CTNNA3: variants seen among roughly 807,000 people sequenced by gnomAD.
The protein encoded by CTNNA3 is catenin alpha-3.
A neutral mutation model predicts 95.7 loss-of-function variants in CTNNA3; 76 were observed. That is an observed-to-expected ratio of 0.79 (90% confidence interval 0.66 to 0.96). The LOEUF (loss-of-function observed/expected upper bound fraction) is 0.96, where lower values mean the gene tolerates loss of function less well. CTNNA3 is among the 40% of genes least tolerant of loss of function. The pLI, the probability that CTNNA3 is intolerant of heterozygous loss-of-function variation, is 0.00. For synonymous variants in CTNNA3, 431 were observed against 374.4 expected (o/e 1.15, Z -1.74); for missense variants, 1,191 against 1,089.8 (o/e 1.09, Z -1.31).
At chr10:66,826,772 A>G (rs899358063) in intron 7 of CTNNA3, among the ~76,000 whole-genome samples, 93 of 152,212 alleles carry the variant, frequency 6.1e-4, no homozygotes, top group African/African-American at 2.1e-3. Flanking sequence ...GCAGTTTTAG[A>G]AAATGAACAC....
At chr10:66,235,625 T>G (rs1256593088) in intron 13 of CTNNA3, among the ~76,000 whole-genome samples, 1 of 152,118 alleles carries the variant, frequency 6.6e-6, no homozygotes, top group Admixed American at 6.6e-5. Context: ...TTTGTAGAAT[T>G]TTCGTGGATA....
At chr10:67,337,081 T>C (rs1264142514) in intron 5 of CTNNA3, among the ~76,000 whole-genome samples, 3 of 152,176 alleles carry the variant, frequency 2.0e-5, no homozygotes, top group Non-Finnish European at 4.4e-5. Flanking sequence ...ATACATTTCA[T>C]AGGCTATACC....
chr10:66,617,955 T>G (rs1319992248), intron 10 of CTNNA3, among the ~76,000 whole-genome samples: 3 of 151,540 alleles, frequency 2.0e-5, no homozygotes, highest in Admixed American at 6.6e-5. Context: ...TGAACTCCCA[T>G]TCACAATTGC....
At chr10:67,689,564 G>A (rs542960897) in intron 1 of CTNNA3, among the ~76,000 whole-genome samples, 74 of 152,298 alleles carry the variant, frequency 4.9e-4, no homozygotes, top group African/African-American at 1.6e-3. Flanking sequence ...GCAAGGGTCA[G>A]GAGATAGGAT....
At chr10:66,253,197 T>C (rs1293650665) in intron 13 of CTNNA3, among the ~76,000 whole-genome samples, 1 of 152,182 alleles carries the variant, frequency 6.6e-6, no homozygotes, top group African/African-American at 2.4e-5. Flanking sequence ...ACAGGAGCAA[T>C]CCATCATCAT....
At chr10:65,977,783 ATT>A (rs1414442480) in intron 16 of CTNNA3, among the ~76,000 whole-genome samples, 4 of 152,016 alleles carry the variant, frequency 2.6e-5, no homozygotes, top group African/African-American at 7.3e-5. Flanking sequence ...CGTCTCAAAA[ATT>A]AAAAAAATAA....
At chr10:66,344,559 G>T (rs1409396845) in intron 12 of CTNNA3, among the ~76,000 whole-genome samples, 1 of 151,912 alleles carries the variant, frequency 6.6e-6, no homozygotes, top group African/African-American at 2.4e-5. Flanking sequence ...GAGCCACTGG[G>T]CCCAGCCTGT....
chr10:66,778,725 C>T (rs898859743), intron 7 of CTNNA3, among the ~76,000 whole-genome samples: 1 of 152,042 alleles, frequency 6.6e-6, no homozygotes, highest in African/African-American at 2.4e-5. Context: ...CCTGTAATCC[C>T]AGCATTTTGT....
chr10:67,674,040 T>C (rs1397270559), intron 1 of CTNNA3, among the ~76,000 whole-genome samples: 2 of 151,868 alleles, frequency 1.3e-5, no homozygotes, highest in Non-Finnish European at 2.9e-5. Flanking sequence ...TGTGTGCCTA[T>C]GCAAGAGTCC....
intron 13 of CTNNA3, among the ~76,000 whole-genome samples, chr10:66,129,518 A>G (rs1374750081): frequency 6.6e-6 from 1 of 152,138 alleles, no homozygotes; most frequent in Non-Finnish European, 1.5e-5. Context: ...ACTTGCTTCC[A>G]TAGGAGACTT....
chr10:66,474,287 A>G (rs1350382834), intron 11 of CTNNA3, among the ~76,000 whole-genome samples: 1 of 152,066 alleles, frequency 6.6e-6, no homozygotes, highest in Non-Finnish European at 1.5e-5. Context: ...TAGATTTCAC[A>G]TATGAGTGAG....
At chr10:66,917,284 AT>A (rs1846540383) in intron 7 of CTNNA3, among the ~76,000 whole-genome samples, 1 of 152,164 alleles carries the variant, frequency 6.6e-6, no homozygotes, top group South Asian at 2.1e-4. Context: ...ATATTGGCAC[AT>A]GGGGGCTCTG....
At chr10:66,430,277 T>A (rs1400884182) in intron 11 of CTNNA3, among the ~76,000 whole-genome samples, 2 of 152,090 alleles carry the variant, frequency 1.3e-5, no homozygotes, top group Admixed American at 1.3e-4. Context: ...TGGAAGAACA[T>A]TCCATGCTCA....
In CTNNA3 at chr10:66,891,629, T is replaced by TAGATTTC. The variant is rs370474876; in HGVS notation, c.1048-116112_1048-116106dup. ...TGATTTCATTTTATTTTCTTGTATG[T>TAGATTTC]AGATTTCAGAGAAAGTTCTCACTTT... On this transcript the variant is annotated intron_variant, in intron 7 of 17. Transcript: ENST00000433211. 3.2e-3 allele frequency among the ~76,000 whole-genome samples: 491 copies of TAGATTTC among 152,298 alleles called. 2 individuals carry two copies. The highest frequency in any genetic ancestry group is 0.011 in the African/African-American group (463 of 41,570).
At chr10:67,413,713 T>C (rs1211855637) in intron 5 of CTNNA3, among the ~76,000 whole-genome samples, 1 of 152,058 alleles carries the variant, frequency 6.6e-6, no homozygotes, top group Admixed American at 6.6e-5. Flanking sequence ...CAGAAAGAAA[T>C]TGAAACTATA....
intron 3 of CTNNA3, among the ~76,000 whole-genome samples, chr10:67,598,502 C>A (rs1372121674): frequency 6.6e-6 from 1 of 152,056 alleles, no homozygotes; most frequent in Non-Finnish European, 1.5e-5. Context: ...TTCCGAAGTA[C>A]TGTTCAGAAT....
chr10:67,231,159 G>A lies in CTNNA3; in HGVS notation c.580-11289C>T, dbSNP rs188780069. Among the ~76,000 whole-genome samples the A allele has an allele frequency of 2.3e-4, 35 of 152,342 alleles. 1 individual carries two copies. The highest frequency in any genetic ancestry group is 8.4e-4 in the African/African-American group (35 of 41,584). The stretch of plus-strand genomic sequence containing the variant: ...ACAAAGCAGCTGGGAAGCTCAAACT[G>A]GGTGGAGCCCACCACAGCTCAAGGA... On this transcript the variant is annotated intron_variant, in intron 5 of 17. Transcript: ENST00000433211.
Position 65,923,406 on chromosome 10 carries a change from A to G in CTNNA3, c.2401-2789T>C, listed in dbSNP as rs941228002. Among the ~76,000 whole-genome samples the G allele has an allele frequency of 6.6e-5, 10 of 152,328 alleles. No homozygotes were observed. The South Asian group carries it at 2.1e-3, about 32-fold the overall frequency. ...TTCAATGTTTTTATGATCTACTCTG[A>G]ATGTCTCTTTTAAGAGCTAATTTTA... is the stretch of plus-strand genomic sequence containing the variant. On this transcript the variant is annotated intron_variant, in intron 17 of 17. Transcript: ENST00000433211.
intron 9 of CTNNA3, among the ~76,000 whole-genome samples, chr10:66,692,073 A>C (rs899106564): frequency 7.9e-5 from 12 of 152,366 alleles, no homozygotes; most frequent in Admixed American, 6.5e-4. Flanking sequence ...CCTCCAAAGG[A>C]ATGCAGTTCC....
Sources: gnomAD v4.1 joint callset for allele counts (sites outside exome capture counted in the v4.1 genomes callset) on GRCh38, gnomAD v4.1.1 for gene constraint, MANE v1.5 for transcripts, NCBI Gene and HGNC (gene_info 2026-07-23, HGNC 2026-07-21) for gene names.